PDE9A: variants seen among roughly 807,000 people sequenced by gnomAD.
PDE9A encodes the protein phosphodiesterase 9A.
In PDE9A, 60 loss-of-function variants were observed where a neutral mutation model predicts 87.4. The ratio of observed to expected loss-of-function variants is 0.69; its 90% CI spans 0.56 to 0.85. The LOEUF is 0.85. Ranked by LOEUF, PDE9A falls within the 40% of genes least tolerant of loss-of-function variation. The pLI, the probability that PDE9A is intolerant of heterozygous loss-of-function variation, is 0.00. For missense variants in PDE9A, 665 were observed against 779.0 expected (o/e 0.85, Z 1.74); for synonymous variants, 272 against 279.4 (o/e 0.97, Z 0.27).
chr21:42,755,651 C>A (rs2054954702), intron 10 of PDE9A, among the ~76,000 whole-genome samples: 1 of 152,224 alleles, frequency 6.6e-6, no homozygotes, highest in Admixed American at 6.5e-5. Flanking sequence ...CGTGTTGGAG[C>A]TGCTGGCCTG....
chr21:42,745,027 T>G (rs368511618), intron 8 of PDE9A, among the ~76,000 whole-genome samples: 1 of 152,210 alleles, frequency 6.6e-6, no homozygotes, highest in Admixed American at 6.5e-5. Context: ...TGGGGACTAA[T>G]GGACTGAGAA....
At chr21:42,689,097 C>T (rs1001166693) in intron 3 of PDE9A, among the ~76,000 whole-genome samples, 1 of 151,198 alleles carries the variant, frequency 6.6e-6, no homozygotes, top group Non-Finnish European at 1.5e-5. Context: ...TGGGTGTGGC[C>T]AGCACCATCC....
chr21:42,665,552 A>T (rs2057904793), intron 1 of PDE9A, among the ~76,000 whole-genome samples: 1 of 152,142 alleles, frequency 6.6e-6, no homozygotes, highest in African/African-American at 2.4e-5. Flanking sequence ...GAACCTGGAC[A>T]TCTGGCTCCA....
At chr21:42,768,433 G>A in intron 16 of PDE9A, 141 bp downstream of exon 16, 1 of 1,061,282 alleles carries the variant, frequency 9.4e-7, no homozygotes, top group South Asian at 1.7e-5. Context: ...AAGCCTTCAG[G>A]GTAAGCGTAC....
intron 1 of PDE9A, among the ~76,000 whole-genome samples, chr21:42,663,073 T>A: frequency 8.0e-6 from 1 of 125,034 alleles, no homozygotes; most frequent in African/African-American, 3.2e-5. Flanking sequence ...CTTACACACA[T>A]GCACATCACA....
rs759134946 is a variant in PDE9A at position 42,739,312 on chromosome 21, C to T, written c.569-4464C>T. ...GGCCCCCCGCCCCACAGGACTGGCC[C>T]GCTCCTCCCTCTGGATTGAGGTGGA... is the stretch of plus-strand genomic sequence containing the variant. On this transcript the variant is annotated intron_variant, in intron 7 of 19. Transcript: ENST00000291539. This position sits in a 1 kb window ranked among gnomAD's most constrained non-coding sequence, Gnocchi z 4.1. Among the ~76,000 whole-genome samples the T allele has an allele frequency of 1.1e-4, 17 of 152,222 alleles. No individual in the cohort carries two copies. Among genetic ancestry groups the T allele is most frequent in the South Asian group, 2.1e-4 (1 of 4,828 alleles).
intron 3 of PDE9A, among the ~76,000 whole-genome samples, chr21:42,689,330 C>T (rs553947407): frequency 6.6e-6 from 1 of 152,238 alleles, no homozygotes; most frequent in East Asian, 1.9e-4. Context: ...CCGTCTCCTG[C>T]CCCACACAGT....
intron 1 of PDE9A, among the ~76,000 whole-genome samples, chr21:42,657,983 G>A (rs777310317): frequency 2.0e-5 from 3 of 152,248 alleles, no homozygotes; most frequent in Non-Finnish European, 2.9e-5. Context: ...GGGAGGAGCC[G>A]CGCTAGAAAG....
At chr21:42,669,933 C>G (rs111581555) in intron 1 of PDE9A, among the ~76,000 whole-genome samples, 179 of 152,260 alleles carry the variant, frequency 1.2e-3, no homozygotes, top group African/African-American at 4.1e-3. Flanking sequence ...AGCCCTGGCA[C>G]CAGGTGGGCA....
In PDE9A at chr21:42,739,917, G is replaced by T. The variant is rs994603088; in HGVS notation, c.569-3859G>T. Among the ~76,000 whole-genome samples, 2 of 152,004 alleles carry T rather than the reference G, an allele frequency of 1.3e-5. No homozygotes were observed. The highest frequency in any genetic ancestry group is 2.4e-5 in the African/African-American group (1 of 41,358). The stretch of plus-strand genomic sequence containing the variant: ...CAGTATGATAAATAGCATTTTCCTC[G>T]GGGGATAAAAAGAAAAACGTGAGCT... On this transcript the variant is annotated intron_variant, in intron 7 of 19. Transcript: ENST00000291539. This position sits in a 1 kb window ranked among gnomAD's most constrained non-coding sequence, Gnocchi z 4.1.
chr21:42,690,490 T>C (rs1221490330), intron 3 of PDE9A, among the ~76,000 whole-genome samples: 4 of 151,242 alleles, frequency 2.6e-5, no homozygotes, highest in Non-Finnish European at 1.5e-5. Context: ...GGCATAGACA[T>C]GGTGAAGAGG....
At chr21:42,703,598 C>T (rs1170355887) in intron 4 of PDE9A, among the ~76,000 whole-genome samples, 1 of 152,186 alleles carries the variant, frequency 6.6e-6, no homozygotes, top group East Asian at 1.9e-4. Flanking sequence ...CCTGGGGACC[C>T]ATCCAGGACC....
intron 9 of PDE9A, among the ~76,000 whole-genome samples, chr21:42,751,452 C>T (rs900164055): frequency 1.3e-5 from 2 of 152,134 alleles, no homozygotes; most frequent in East Asian, 1.9e-4. Context: ...TGCCCGGCCC[C>T]GGGAGCTGAC....
intron 14 of PDE9A, 101 bp downstream of exon 14, chr21:42,762,340 C>A: frequency 7.8e-7 from 1 of 1,274,714 alleles, no homozygotes; most frequent in Non-Finnish European, 1.1e-6. Context: ...CTCCTGGCCA[C>A]AGCAGTGCCC....
intron 4 of PDE9A, among the ~76,000 whole-genome samples, chr21:42,709,045 A>G (rs750518391): frequency 6.6e-6 from 1 of 152,250 alleles, no homozygotes; most frequent in Non-Finnish European, 1.5e-5. Context: ...AAGAGATAGT[A>G]TCAATCCAAA....
chr21:42,742,380 G>A (rs2053386489), intron 7 of PDE9A, among the ~76,000 whole-genome samples: 3 of 151,960 alleles, frequency 2.0e-5, no homozygotes, highest in African/African-American at 7.3e-5. Context: ...ATAACTTAGT[G>A]GGTGGTGGGA....
rs1268921272 is a variant in PDE9A, at chr21:42,696,567, T to C, written c.219-2401T>C. Among the ~76,000 whole-genome samples, 3 of 151,348 alleles carry C rather than the reference T, an allele frequency of 2.0e-5. No individual in the cohort carries two copies. Among genetic ancestry groups the C allele is most frequent in the Non-Finnish European group, 4.4e-5 (3 of 67,822 alleles). ...TGCACCATTTCCAGGGCTGCTCTCA[T>C]GGTGGGAGCCGGAGAGACACTGAGA... is the stretch of plus-strand genomic sequence containing the variant. On this transcript the variant is annotated intron_variant, in intron 3 of 19. Transcript: ENST00000291539. The surrounding 1 kb of genome is among the most constrained non-coding windows in gnomAD (Gnocchi z 5.1).
chr21:42,659,687 C>A lies in PDE9A; in HGVS notation c.69+5804C>A, dbSNP rs2057338735. Among the ~76,000 whole-genome samples the A allele has an allele frequency of 6.6e-6, 1 of 152,198 alleles. No homozygotes were observed. Among genetic ancestry groups the A allele is most frequent in the Non-Finnish European group, 1.5e-5 (1 of 68,032 alleles). On this transcript the variant is annotated intron_variant, in intron 1 of 19. Transcript: ENST00000291539. The surrounding 1 kb of genome is among the most constrained non-coding windows in gnomAD (Gnocchi z 4.1). ...TCACTTGTCTTGTCACTCCCCGAGTCCACTGTGAGCTAGAACCACAGGCTC... is the reference window on the plus strand; with the variant it reads ...TCACTTGTCTTGTCACTCCCCGAGTACACTGTGAGCTAGAACCACAGGCTC...
intron 4 of PDE9A, among the ~76,000 whole-genome samples, chr21:42,720,767 A>G (rs952940368): frequency 6.6e-6 from 1 of 151,936 alleles, no homozygotes; most frequent in Non-Finnish European, 1.5e-5. Context: ...GCACTTTGGG[A>G]GGCCGAGGTG....
Sources: allele counts gnomAD v4.1 joint callset (sites outside exome capture counted in the v4.1 genomes callset), GRCh38; gene constraint gnomAD v4.1.1; non-coding constraint Gnocchi (gnomAD v3.1); transcripts MANE v1.5; gene names NCBI Gene and HGNC (gene_info 2026-07-23, HGNC 2026-07-21).